ASB5: variants seen among roughly 807,000 people sequenced by gnomAD.
ASB5 encodes the protein ankyrin repeat and SOCS box protein 5.
A neutral mutation model predicts 42.1 loss-of-function variants in ASB5; 45 were observed. The observed-to-expected ratio is 1.07, with a 90% CI of 0.84 to 1.37. The LOEUF (loss-of-function observed/expected upper bound fraction) is 1.37. Ranked by LOEUF, ASB5 falls within the 40% of genes most tolerant of loss-of-function variation. The probability of loss-of-function intolerance (pLI) is 0.00; values close to 1 mark genes in which losing one functional copy is unlikely to be tolerated. For missense variants in ASB5, 402 were observed against 399.8 expected, an observed-to-expected ratio of 1.01 and a Z score of -0.05; for synonymous variants, 147 against 150.6, an observed-to-expected ratio of 0.98 and a Z score of 0.18.
intron 1 of ASB5, among the ~76,000 whole-genome samples, chr4:176,268,281 G>T (rs190753498): frequency 6.6e-6 from 1 of 152,216 alleles, no homozygotes; most frequent in Non-Finnish European, 1.5e-5. Context: ...GCACTTGGCT[G>T]CACACATATA....
chr4:176,248,900 T>C (rs1291613318), intron 1 of ASB5, among the ~76,000 whole-genome samples: 1 of 152,192 alleles, frequency 6.6e-6, no homozygotes, highest in Non-Finnish European at 1.5e-5. Context: ...TGAAAAGAGA[T>C]ACATGAAGGC....
At chr4:176,272,941 C>T (rs1754496342), upstream of ASB5, among the ~76,000 whole-genome samples, 3 of 110,960 alleles carry the variant, frequency 2.7e-5, no homozygotes, top group African/African-American at 6.7e-5. Context: ...CTTCGATGAC[C>T]TTTTTTTTTT....
intron 1 of ASB5, among the ~76,000 whole-genome samples, chr4:176,226,361 G>T (rs1579315308): frequency 6.6e-6 from 1 of 152,250 alleles, no homozygotes; most frequent in South Asian, 2.1e-4. Flanking sequence ...TGGTCCCCTG[G>T]ATTCTCAGGC....
At chr4:176,248,973 T>A (rs145316079) in intron 1 of ASB5, among the ~76,000 whole-genome samples, 1 of 152,304 alleles carries the variant, frequency 6.6e-6, no homozygotes, top group Admixed American at 6.5e-5. Context: ...GTTTGTTTTG[T>A]TTTGCTTTTT....
At chr4:176,255,059 G>A (rs898969041) in intron 1 of ASB5, among the ~76,000 whole-genome samples, 1 of 152,174 alleles carries the variant, frequency 6.6e-6, no homozygotes, top group Non-Finnish European at 1.5e-5. Context: ...GAACCCGGAA[G>A]GTGGAGGTTG....
At chr4:176,267,491 G>T (rs762243759) in intron 1 of ASB5, among the ~76,000 whole-genome samples, 50 of 152,154 alleles carry the variant, frequency 3.3e-4, no homozygotes, top group Middle Eastern at 6.8e-3. Flanking sequence ...AGGCATGGTT[G>T]TGTGTCCTAG....
intron 5 of ASB5, 90 bp downstream of exon 5, chr4:176,221,065 T>A (rs940417509): frequency 1.4e-6 from 2 of 1,390,662 alleles, no homozygotes; most frequent in African/African-American, 1.5e-5. Flanking sequence ...TTTTTAGCAA[T>A]GAGATCTAAT....
In ASB5 at chr4:176,214,453, G is replaced by T; in HGVS notation, c.*1147C>A. On this transcript the variant is annotated 3_prime_UTR_variant, in exon 7 of 7. Transcript: ENST00000296525. The stretch of plus-strand genomic sequence containing the variant: ...TTTATTGCACTCAAGTATAGTTAAA[G>T]CTGAAGAGAATAAACGTAGTATTTA... 6.6e-6 allele frequency: 1 copy of T among 152,062 alleles called. No homozygotes were observed. The highest frequency in any genetic ancestry group is 2.1e-4 in the South Asian group (1 of 4,828). The allele number at this position is 152,062 out of a possible 1,614,324, so 9.4% of individuals were successfully genotyped here. A position where few individuals can be genotyped will look rare whatever the true frequency, so the allele number is the denominator to read the frequency against.
chr4:176,219,609 TATATATATAG>T (rs1236704264), intron 5 of ASB5, among the ~76,000 whole-genome samples: 12 of 109,224 alleles, frequency 1.1e-4, no homozygotes, highest in South Asian at 5.7e-4. Context: ...TATATATATA[TATATATATAG>T]GCTGGAGTAC....
intron 1 of ASB5, among the ~76,000 whole-genome samples, chr4:176,276,671 A>G (rs560728324): frequency 2.4e-4 from 37 of 152,326 alleles, no homozygotes; most frequent in Non-Finnish European, 5.1e-4. Flanking sequence ...ACTGGCATCC[A>G]TGGCTCCTGA....
chr4:176,266,595 C>T (rs775134131), intron 1 of ASB5, among the ~76,000 whole-genome samples: 16 of 151,950 alleles, frequency 1.1e-4, no homozygotes, highest in Non-Finnish European at 1.8e-4. Context: ...TTATAAGGTA[C>T]CTGATTTGCT....
At chr4:176,263,026 T>C (rs1342376580) in intron 1 of ASB5, among the ~76,000 whole-genome samples, 1 of 152,182 alleles carries the variant, frequency 6.6e-6, no homozygotes, top group Non-Finnish European at 1.5e-5. Flanking sequence ...TAATGGAAGA[T>C]GTTTGGGTTA....
intron 1 of ASB5, among the ~76,000 whole-genome samples, chr4:176,260,728 AGTT>A (rs1754251066): frequency 6.6e-6 from 1 of 152,170 alleles, no homozygotes; most frequent in Non-Finnish European, 1.5e-5. Context: ...GCCAGGCTAG[AGTT>A]CAGTGGCGCA....
chr4:176,238,613 T>A (rs1349469427), intron 1 of ASB5, among the ~76,000 whole-genome samples: 4 of 152,204 alleles, frequency 2.6e-5, no homozygotes, highest in Admixed American at 1.3e-4. Context: ...CATACTGAAA[T>A]CTGTCTTGCT....
intron 1 of ASB5, among the ~76,000 whole-genome samples, chr4:176,230,888 A>G (rs1410603550): frequency 6.6e-6 from 1 of 152,236 alleles, no homozygotes; most frequent in Non-Finnish European, 1.5e-5. Context: ...ACTTTAAAAA[A>G]TGTGTAATTT....
chr4:176,224,170 T>C (rs1579313541), intron 2 of ASB5, among the ~76,000 whole-genome samples: 1 of 151,822 alleles, frequency 6.6e-6, no homozygotes, highest in South Asian at 2.1e-4. Context: ...TTCTTTCTCC[T>C]TGAGACTGGG....
intron 1 of ASB5, among the ~76,000 whole-genome samples, chr4:176,238,393 T>C (rs1753739925): frequency 6.6e-6 from 1 of 152,110 alleles, no homozygotes; most frequent in Non-Finnish European, 1.5e-5. Flanking sequence ...CAGCAGTCAA[T>C]TTAAGTACAG....
intron 1 of ASB5, among the ~76,000 whole-genome samples, chr4:176,264,058 G>C (rs1163251612): frequency 6.6e-6 from 1 of 150,912 alleles, no homozygotes; most frequent in Non-Finnish European, 1.5e-5. Flanking sequence ...AAAAAAAATT[G>C]CATGAGTAAT....
intron 1 of ASB5, among the ~76,000 whole-genome samples, chr4:176,235,865 C>T (rs1426284060): frequency 1.3e-5 from 2 of 148,530 alleles, no homozygotes; most frequent in African/African-American, 5.0e-5. Flanking sequence ...TCCTTTTTTT[C>T]AGAGACAGAA....
Sources: allele counts gnomAD v4.1 joint callset (sites outside exome capture counted in the v4.1 genomes callset), GRCh38; gene constraint gnomAD v4.1.1; transcripts MANE v1.5; gene names NCBI Gene and HGNC (gene_info 2026-07-23, HGNC 2026-07-21).